Variants in STARD9 observed in about 807,000 individuals in gnomAD.
STARD9 encodes StAR related lipid transfer domain containing 9.
A neutral mutation model predicts 399.8 loss-of-function variants in STARD9; 346 were observed. The ratio of observed to expected loss-of-function variants is 0.87; its 90% CI spans 0.79 to 0.95. The LOEUF (loss-of-function observed/expected upper bound fraction) is 0.95. STARD9 is among the 40% of genes least tolerant of loss of function. The pLI is 0.00. For synonymous variants in STARD9, 2,203 were observed against 2,143.5 expected (o/e 1.03, Z -0.77); for missense variants, 5,832 against 5,667.5 (o/e 1.03, Z -0.93).
At chr15:42,636,767 A>G (rs1455596822) in intron 4 of STARD9, among the ~76,000 whole-genome samples, 2 of 152,008 alleles carry the variant, frequency 1.3e-5, no homozygotes, top group African/African-American at 4.8e-5. Flanking sequence ...AGTATTTGAC[A>G]TTAAAAGAAG....
At position 42,690,650 on chromosome 15, in the gene STARD9, C is replaced by T. The variant is rs766579597; in HGVS notation, c.9072C>T (p.Gly3024=). The change falls in exon 23 of 33, where the codon GGC becomes GGT. Residue 3024 remains glycine, a synonymous_variant. Transcript: ENST00000290607. ...GACCTGATGTGCACTTGACACATGG[C>T]CTTGAGCCCAAAGATGTTAACAGGG... The part of the protein sequence containing the change: ...SRGPDVHLTH[G]LEPKDVNREF... 10 of 1,537,170 alleles carry T rather than the reference C, an allele frequency of 6.5e-6. No individual in the cohort carries two copies. The highest frequency in any genetic ancestry group is 7.8e-6 in the Non-Finnish European group (9 of 1,146,898).
chr15:42,636,022 G>A (rs1032160033), intron 4 of STARD9, among the ~76,000 whole-genome samples: 4 of 152,162 alleles, frequency 2.6e-5, no homozygotes, highest in African/African-American at 7.2e-5. Flanking sequence ...GGTGCCAGGT[G>A]TAGTAGCTCA....
At chr15:42,717,676 A>G in intron 28 of STARD9, 55 bp from the exon 29 acceptor site, 1 of 1,450,854 alleles carries the variant, frequency 6.9e-7, no homozygotes, top group Non-Finnish European at 9.4e-7. Flanking sequence ...TGACTAACCC[A>G]GGGGCTTAGT....
At chr15:42,614,999 A>G (rs960593409) in intron 3 of STARD9, among the ~76,000 whole-genome samples, 1 of 134,538 alleles carries the variant, frequency 7.4e-6, no homozygotes, top group African/African-American at 2.8e-5. Context: ...GTTCATAAAG[A>G]TATATAGTCA....
chr15:42,637,873 A>T, intron 4 of STARD9, 34 bp from the exon 5 acceptor site: 1 of 1,535,642 alleles, frequency 6.5e-7, no homozygotes, highest in Non-Finnish European at 8.7e-7. Flanking sequence ...CATCTTAAGT[A>T]AACAATAATG....
At chr15:42,583,282 T>C in intron 1 of STARD9, 64 bp from the exon 2 acceptor site, 3 of 1,303,206 alleles carry the variant, frequency 2.3e-6, no homozygotes, top group Non-Finnish European at 3.2e-6. Context: ...CTAGCACTGG[T>C]TTTAGGCTCT....
intron 26 of STARD9, among the ~76,000 whole-genome samples, chr15:42,701,681 T>G (rs1450105779): frequency 6.6e-6 from 1 of 152,054 alleles, no homozygotes; most frequent in Non-Finnish European, 1.5e-5. Flanking sequence ...GTTGAGTGCA[T>G]GACCAACAGA....
chr15:42,626,402 CTCT>C lies in STARD9; in HGVS notation c.235-8448_235-8446del, dbSNP rs1277986506. Among the ~76,000 whole-genome samples the C allele has an allele frequency of 3.6e-4, 52 of 144,492 alleles. 1 individual carries two copies. The highest frequency in any genetic ancestry group is 1.2e-3 in the African/African-American group (47 of 37,684). The allele number at this position is 144,492 out of a possible 152,430, so 94.8% of individuals were successfully genotyped here. A position where few individuals can be genotyped will look rare whatever the true frequency, so the allele number is the denominator to read the frequency against. Reference sequence around the variant, plus strand: ...CTTCCTCCTCTTCCTCTTCCTCCTCCTCTTCTTCCTCCTCCTCCTCCTCTTCTT... The same window carrying C: ...CTTCCTCCTCTTCCTCTTCCTCCTCCTCTTCCTCCTCCTCCTCCTCTTCTT... On this transcript the variant is annotated intron_variant, in intron 3 of 32. Coordinates refer to ENST00000290607, the MANE Select transcript of STARD9 (RefSeq NM_020759.3).
intron 26 of STARD9, among the ~76,000 whole-genome samples, chr15:42,713,866 GT>G (rs2061299326): frequency 6.6e-6 from 1 of 152,068 alleles, no homozygotes; most frequent in African/African-American, 2.4e-5. Context: ...TCTTTGCCCA[GT>G]TTTTGTGTCA....
chr15:42,714,208 G>T (rs1490910837), intron 26 of STARD9, among the ~76,000 whole-genome samples: 2 of 151,694 alleles, frequency 1.3e-5, no homozygotes, highest in African/African-American at 4.8e-5. Context: ...GACTACAGGC[G>T]CCCTCCACCA....
Position 42,692,204 on chromosome 15 carries a change from C to G in STARD9, c.10626C>G (p.His3542Gln), listed in dbSNP as rs757128576. Reference protein sequence around the residue: ...YANICDLSTTHSSTENAQGSN... With the variant: ...YANICDLSTTQSSTENAQGSN... ...ATATTTGTGATCTGTCAACCACACACAGCAGCACTGAGAATGCCCAGGGTT... is the reference window on the plus strand; with the variant it reads ...ATATTTGTGATCTGTCAACCACACAGAGCAGCACTGAGAATGCCCAGGGTT... The change falls in exon 23 of 33, where the codon CAC becomes CAG. Residue 3542 changes from histidine to glutamine, a missense_variant. His to Gln is a conservative substitution (Grantham distance 24, BLOSUM62 0). Coordinates refer to ENST00000290607, the MANE Select transcript of STARD9 (RefSeq NM_020759.3). 3 of 1,537,038 alleles carry G rather than the reference C, an allele frequency of 2.0e-6. No individual in the cohort carries two copies. Among genetic ancestry groups the G allele is most frequent in the African/African-American group, 2.7e-5 (2 of 73,034 alleles).
In STARD9 at chr15:42,689,933, A is replaced by G. The variant is rs1410583225; in HGVS notation, c.8355A>G (p.Glu2785=). The G allele has an allele frequency of 6.5e-7, 1 of 1,537,658 alleles. No homozygotes were observed. The highest frequency in any genetic ancestry group is 8.7e-7 in the Non-Finnish European group (1 of 1,147,000). Residue 2785 remains glutamate (E), a synonymous_variant, in exon 23 of 33, where the codon GAA becomes GAG. Coordinates refer to ENST00000290607, the MANE Select transcript of STARD9 (RefSeq NM_020759.3). ...AGGACAGCAGCCCAGAGCATCAGGAACCCAGAACTCTAGACACCACATATG... is the reference window on the plus strand; with the variant it reads ...AGGACAGCAGCCCAGAGCATCAGGAGCCCAGAACTCTAGACACCACATATG... ...GSQDSSPEHQ[E]PRTLDTTYGE...
rs1187776769 is a variant in STARD9, at chr15:42,688,007, G to A, written c.6429G>A (p.Gln2143=). The A allele has an allele frequency of 8.5e-6, 13 of 1,537,362 alleles. No individual in the cohort carries two copies. The East Asian group carries it at 3.2e-4, about 38-fold the overall frequency. Reference sequence around the variant, plus strand: ...TTAACAGCATTGGGAACCATCCCCAGGTCCAGAAAATCACCCCAAACCCCT... The same window carrying A: ...TTAACAGCATTGGGAACCATCCCCAAGTCCAGAAAATCACCCCAAACCCCT... ...MEVNSIGNHP[Q]VQKITPNPFR... Residue 2143 remains glutamine (Q), a synonymous_variant, in exon 23 of 33, where the codon CAG becomes CAA. Coordinates refer to ENST00000290607, the MANE Select transcript of STARD9 (RefSeq NM_020759.3).
At chr15:42,631,689 T>G (rs554545778) in intron 3 of STARD9, among the ~76,000 whole-genome samples, 143 of 152,296 alleles carry the variant, frequency 9.4e-4, no homozygotes, top group African/African-American at 3.4e-3. Context: ...TTTCCAAAAT[T>G]CCTCTTGTTA....
chr15:42,621,815 A>G (rs1271979120), intron 3 of STARD9, among the ~76,000 whole-genome samples: 1 of 152,174 alleles, frequency 6.6e-6, no homozygotes, highest in African/African-American at 2.4e-5. Flanking sequence ...TGTTCCTGTT[A>G]GTGGAAAATG....
Position 42,693,024 on chromosome 15 carries a change from T to C in STARD9, c.11446T>C (p.Ser3816Pro). Residue 3816 changes from serine (S) to proline (P), a missense_variant, in exon 23 of 33, where the codon TCA becomes CCA. By Grantham distance (74) the Ser-to-Pro change is moderately conservative. Around this residue, in one of 2 missense-constraint regions of STARD9, gnomAD observed 5,828 missense variants for 5,651.1 expected, o/e 1.03. Coordinates refer to ENST00000290607, the MANE Select transcript of STARD9 (RefSeq NM_020759.3). ...CAAGCCCCAGAGCCCTTCAATACCCTCATCCCACTTGAGGTTTCAGAAAGC... is the reference window on the plus strand; with the variant it reads ...CAAGCCCCAGAGCCCTTCAATACCCCCATCCCACTTGAGGTTTCAGAAAGC... ...PYKPQSPSIPSSHLRFQKAPV... is the reference protein window; with the variant it reads ...PYKPQSPSIPPSHLRFQKAPV... The C allele has an allele frequency of 1.3e-6, 2 of 1,537,126 alleles. No homozygotes were observed. Among genetic ancestry groups the C allele is most frequent in the Non-Finnish European group, 1.7e-6 (2 of 1,146,860 alleles).
At chr15:42,716,586 C>A in intron 26 of STARD9, 91 bp from the exon 27 acceptor site, 1 of 806,276 alleles carries the variant, frequency 1.2e-6, no homozygotes, top group South Asian at 1.6e-5. Context: ...TTGAGTCATC[C>A]CACTGGAAGC....
Position 42,641,076 on chromosome 15 carries a change from T to C in STARD9, c.559+2264T>C, listed in dbSNP as rs145590620. On this transcript the variant is annotated intron_variant, in intron 7 of 32. Transcript: ENST00000290607. ...AGGAGACCTAGGTTCCTAGATGATT[T>C]GATTGGTATAGTACCTGCAACTCAG... Among the ~76,000 whole-genome samples the C allele has an allele frequency of 6.1e-3, 929 of 152,268 alleles. 15 individuals carry two copies. The highest frequency in any genetic ancestry group is 0.058 in the East Asian group (298 of 5,178).
At chr15:42,711,987 G>A (rs1371770323) in intron 26 of STARD9, among the ~76,000 whole-genome samples, 3 of 132,106 alleles carry the variant, frequency 2.3e-5, no homozygotes, top group African/African-American at 5.9e-5. Flanking sequence ...GATTATAGCT[G>A]TCCTAGTGGA....
Sources: gnomAD v4.1 joint callset for allele counts (sites outside exome capture counted in the v4.1 genomes callset) on GRCh38, gnomAD v4.1.1 for gene constraint, gnomAD v4.1.1 regional missense constraint, MANE v1.5 for transcripts, NCBI Gene and HGNC (gene_info 2026-07-23, HGNC 2026-07-21) for gene names.